Variants in ERP27 observed in about 807,000 individuals in gnomAD.
ERP27 encodes the protein endoplasmic reticulum protein 27.
A neutral mutation model predicts 27.7 loss-of-function variants in ERP27; 23 were observed. That is an observed-to-expected ratio of 0.83 (90% CI 0.60 to 1.18). ERP27 has a LOEUF of 1.18. ERP27 is among the 50% of genes most tolerant of loss of function. ERP27 has a pLI of 0.00. For synonymous variants in ERP27, 159 were observed against 118.3 expected (o/e 1.34, Z -2.23); for missense variants, 363 against 327.9 (o/e 1.11, Z -0.83).
intron 3 of ERP27, among the ~76,000 whole-genome samples, chr12:14,928,314 C>T (rs1259166959): frequency 1.3e-5 from 2 of 152,208 alleles, no homozygotes; most frequent in African/African-American, 4.8e-5. Context: ...ATTAAAGTCA[C>T]TAAACAGCAA....
At chr12:14,915,709 G>C in intron 5 of ERP27, 23 bp from the exon 6 acceptor site, 2 of 1,606,712 alleles carry the variant, frequency 1.2e-6, no homozygotes, top group Non-Finnish European at 1.7e-6. Context: ...AAGTTTGAAA[G>C]AAAAAGTTCT....
chr12:14,923,492 A>ATCT (rs1555098900), intron 3 of ERP27, among the ~76,000 whole-genome samples: 31,972 of 141,012 alleles, frequency 0.23, 3,537 homozygotes, highest in East Asian at 0.31. Context: ...ATCTATAATC[A>ATCT]ATCTATCTAT....
rs148149515 is a variant in ERP27 at position 14,914,577 on chromosome 12, TGC to T, written c.*156_*157del. ...GAAGCTCTGTGTGTGTGTGTGTGTG[TGC>T]GTGTGTGTGTGCACGCGTGCGTGCG... On this transcript the variant is annotated 3_prime_UTR_variant, in exon 7 of 7. Coordinates refer to ENST00000266397, the MANE Select transcript of ERP27 (RefSeq NM_152321.4). 319 of 542,188 alleles carry T rather than the reference TGC, an allele frequency of 5.9e-4. 3 individuals carry two copies. The highest frequency in any genetic ancestry group is 4.4e-3 in the African/African-American group (219 of 50,334). 33.6% of individuals were successfully genotyped at this position (542,188 alleles called of 1,614,324 possible). A position where few individuals can be genotyped will look rare whatever the true frequency, so the allele number is the denominator to read the frequency against.
At chr12:14,934,747 G>T (rs1365658845) in intron 3 of ERP27, 109 bp downstream of exon 3, 1 of 1,327,188 alleles carries the variant, frequency 7.5e-7, no homozygotes, top group Non-Finnish European at 1.0e-6. Context: ...CCTGAATTTG[G>T]TACCATCATT....
chr12:14,936,863 A>G (rs746168429), intron 2 of ERP27, among the ~76,000 whole-genome samples: 2 of 151,992 alleles, frequency 1.3e-5, no homozygotes, highest in Non-Finnish European at 1.5e-5. Context: ...TAAATTATCC[A>G]GTTTTGGGTA....
At position 14,921,554 on chromosome 12, in the gene ERP27, C is replaced by G. The variant is rs77547804; in HGVS notation, c.334-506G>C. Among the ~76,000 whole-genome samples, 184 of 152,248 alleles carry G rather than the reference C, an allele frequency of 1.2e-3. 3 individuals are homozygous for G. In the East Asian group the frequency reaches 0.022, roughly 18 times the overall value. The stretch of plus-strand genomic sequence containing the variant: ...GAAGCCAAGGCATGTAGATTAAATT[C>G]TATCTGAGGGCAAGGGGGGTCATTG... On this transcript the variant is annotated intron_variant, in intron 3 of 6. Coordinates refer to ENST00000266397, the MANE Select transcript of ERP27 (RefSeq NM_152321.4).
chr12:14,919,966 G>A (rs1863475440), intron 4 of ERP27, among the ~76,000 whole-genome samples: 1 of 152,054 alleles, frequency 6.6e-6, no homozygotes, highest in Non-Finnish European at 1.5e-5. Flanking sequence ...ATCAATATGA[G>A]GATTGAATGA....
intron 3 of ERP27, 92 bp from the exon 4 acceptor site, chr12:14,921,140 T>A: frequency 9.4e-7 from 1 of 1,060,238 alleles, no homozygotes; most frequent in Non-Finnish European, 1.4e-6. Flanking sequence ...AGGCACTGAT[T>A]AAAGCTCTGA....
At chr12:14,937,677 A>G (rs957114907) in intron 2 of ERP27, among the ~76,000 whole-genome samples, 1 of 152,218 alleles carries the variant, frequency 6.6e-6, no homozygotes, top group African/African-American at 2.4e-5. Flanking sequence ...TTCTTTCTGC[A>G]GATACTGACT....
chr12:14,923,229 A>G (rs188626509), intron 3 of ERP27, among the ~76,000 whole-genome samples: 1 of 151,644 alleles, frequency 6.6e-6, no homozygotes, highest in East Asian at 1.9e-4. Context: ...CTTCAGACTC[A>G]GACTGGAATC....
At chr12:14,928,796 GA>G (rs548207296) in intron 3 of ERP27, 51 of 628,072 alleles carry the variant, frequency 8.1e-5, no homozygotes, top group Non-Finnish European at 1.1e-4. Context: ...GAAAGCAAGA[GA>G]AAAGGTCTTA....
At chr12:14,914,968 C>T (rs1403540421) in intron 6 of ERP27, among the ~76,000 whole-genome samples, 186 bp from the exon 7 acceptor site, 1 of 145,832 alleles carries the variant, frequency 6.9e-6, no homozygotes, top group East Asian at 1.9e-4. Flanking sequence ...AAGGCCTTTC[C>T]AAACATGCTT....
At chr12:14,927,916 T>C (rs1418035241) in intron 3 of ERP27, among the ~76,000 whole-genome samples, 2 of 152,308 alleles carry the variant, frequency 1.3e-5, no homozygotes, top group Non-Finnish European at 1.5e-5. Flanking sequence ...TATTGAAAGA[T>C]AGGACTTCAT....
At chr12:14,915,751 C>T (rs1863401479) in intron 5 of ERP27, 65 bp from the exon 6 acceptor site, 1 of 1,421,286 alleles carries the variant, frequency 7.0e-7, no homozygotes, top group Non-Finnish European at 9.8e-7. Flanking sequence ...TAAAGAGATA[C>T]CTTGTAATTG....
Position 14,934,993 on chromosome 12 carries a change from C to A in ERP27, c.196G>T (p.Asp66Tyr), listed in dbSNP as rs968231678. The A allele has an allele frequency of 6.2e-7, 1 of 1,613,392 alleles. No homozygotes were observed. Among genetic ancestry groups the A allele is most frequent in the Non-Finnish European group, 8.5e-7 (1 of 1,179,720 alleles). ...TEVAVIGFFQ[D>Y]LEIPAVPILH... ...ATGGGCACTGCTGGTATTTCTAAATCCTAAAAACAAGAGAAAAAATAATAC... is the reference window on the plus strand; with the variant it reads ...ATGGGCACTGCTGGTATTTCTAAATACTAAAAACAAGAGAAAAAATAATAC... The change falls in exon 3 of 7, where the codon GAT becomes TAT. Residue 66 changes from aspartate to tyrosine, a missense_variant and splice_region_variant. Transcript: ENST00000266397.
intron 3 of ERP27, among the ~76,000 whole-genome samples, chr12:14,921,842 TCCTTTATA>T (rs1341389002): frequency 2.0e-5 from 3 of 152,154 alleles, no homozygotes; most frequent in African/African-American, 7.2e-5. Context: ...TTTCATCCTT[TCCTTTATA>T]CCTTTATAAC....
intron 4 of ERP27, 67 bp from the exon 5 acceptor site, chr12:14,917,370 G>A (rs1397064029): frequency 1.2e-6 from 2 of 1,603,010 alleles, no homozygotes; most frequent in East Asian, 4.5e-5. Context: ...CTGGGAAGGA[G>A]TGAATAGGTA....
At position 14,914,284 on chromosome 12, in the gene ERP27, G is replaced by C. The variant is rs79151359; in HGVS notation, c.*451C>G. On this transcript the variant is annotated 3_prime_UTR_variant, in exon 7 of 7. Transcript: ENST00000266397. ...AAGAAGGTAGAGTTTCAACCCTTAG[G>C]TAACCTTAAAAGAGCAGGAACTATG... 0.012 allele frequency: 1,896 copies of C among 155,022 alleles called. 44 individuals carry two copies. Among genetic ancestry groups the C allele is most frequent in the African/African-American group, 0.042 (1,765 of 41,658 alleles). 9.6% of individuals were successfully genotyped at this position (155,022 alleles called of 1,614,324 possible). A position where few individuals can be genotyped will look rare whatever the true frequency, so the allele number is the denominator to read the frequency against.
chr12:14,938,179 G>C lies in ERP27; in HGVS notation c.95-127C>G, dbSNP rs1012371505. On this transcript the variant is annotated intron_variant, in intron 1 of 6. Transcript: ENST00000266397. ...GAGCACAATTTATAGGAGTACTGTT[G>C]GCATTCCAAGGCATAATATTTTTAC... 11 of 788,276 alleles carry C rather than the reference G, an allele frequency of 1.4e-5. No individual in the cohort carries two copies. The African/African-American group carries it at 1.7e-4, about 12-fold the overall frequency. 48.8% of individuals were successfully genotyped at this position (788,276 alleles called of 1,614,324 possible). A position where few individuals can be genotyped will look rare whatever the true frequency, so the allele number is the denominator to read the frequency against.
Sources: allele counts gnomAD v4.1 joint callset (sites outside exome capture counted in the v4.1 genomes callset), GRCh38; gene constraint gnomAD v4.1.1; transcripts MANE v1.5; gene names NCBI Gene and HGNC (gene_info 2026-07-23, HGNC 2026-07-21).